The following SCTR variants were observed in gnomAD, a reference collection of about 807,000 sequenced individuals.
The protein encoded by SCTR is pancreatic secretin receptor.
In SCTR, 56 loss-of-function variants were observed where a neutral mutation model predicts 60.8. The observed-to-expected ratio is 0.92, with a 90% CI of 0.74 to 1.15. The LOEUF is 1.15. Among genes scored for constraint, SCTR ranks in the 50% most tolerant of loss-of-function variants. The pLI is 0.00. For synonymous variants in SCTR, 202 were observed against 217.0 expected (o/e 0.93, Z 0.61); for missense variants, 562 against 550.4 (o/e 1.02, Z -0.21).
At chr2:119,511,717 G>A (rs1678953776) in intron 1 of SCTR, among the ~76,000 whole-genome samples, 1 of 152,096 alleles carries the variant, frequency 6.6e-6, no homozygotes, top group Non-Finnish European at 1.5e-5. Flanking sequence ...TCATTTCCTA[G>A]GTATCATGGC....
chr2:119,519,851 G>GA (rs71297142), intron 1 of SCTR, among the ~76,000 whole-genome samples: 61,480 of 130,590 alleles, frequency 0.47, 14,492 homozygotes, highest in East Asian at 0.83. Context: ...GAAAAACAAA[G>GA]AAAAAAAAAA....
At chr2:119,520,508 G>A (rs986749248) in intron 1 of SCTR, among the ~76,000 whole-genome samples, 2 of 152,282 alleles carry the variant, frequency 1.3e-5, no homozygotes, top group Admixed American at 6.5e-5. Flanking sequence ...TGCAGGCAAC[G>A]CTTGCAGGCC....
intron 1 of SCTR, among the ~76,000 whole-genome samples, chr2:119,505,641 G>C (rs1678714428): frequency 6.6e-6 from 1 of 150,520 alleles, no homozygotes; most frequent in Non-Finnish European, 1.5e-5. Flanking sequence ...GCACTCATAG[G>C]TGGGAACTGA....
intron 1 of SCTR, among the ~76,000 whole-genome samples, chr2:119,501,335 G>A (rs1678544122): frequency 6.6e-6 from 1 of 151,968 alleles, no homozygotes; most frequent in Admixed American, 6.6e-5. Context: ...GGGTGAACCT[G>A]GTAGGTGGAG....
chr2:119,460,098 G>A (rs564727936), intron 7 of SCTR, among the ~76,000 whole-genome samples: 3 of 151,872 alleles, frequency 2.0e-5, no homozygotes, highest in East Asian at 3.9e-4. Flanking sequence ...GCAAGCAGGA[G>A]GGCTCAGCAA....
rs1677622207 is a variant in SCTR, at chr2:119,481,827, C to T, written c.194-2909G>A. On this transcript the variant is annotated intron_variant, in intron 2 of 12. Transcript: ENST00000019103. ...GAACCACTGCCTCCCACACCAGTCC[C>T]GCCAGGCATCCCTCATAAACGGGCT... 2.0e-5 allele frequency among the ~76,000 whole-genome samples: 3 copies of T among 152,216 alleles called. No homozygotes were observed. In the South Asian group the frequency reaches 6.2e-4, roughly 32 times the overall value.
chr2:119,470,467 T>C (rs1186716712), intron 4 of SCTR, among the ~76,000 whole-genome samples: 1 of 152,000 alleles, frequency 6.6e-6, no homozygotes, highest in African/African-American at 2.4e-5. Context: ...CTCAGAGCTG[T>C]TGTTTTGTTT....
At chr2:119,518,806 A>G (rs1679191608) in intron 1 of SCTR, among the ~76,000 whole-genome samples, 1 of 152,110 alleles carries the variant, frequency 6.6e-6, no homozygotes, top group African/African-American at 2.4e-5. Flanking sequence ...CAGATATTAA[A>G]TCTAGGCTTT....
At chr2:119,456,797 G>T (rs941072669) in intron 7 of SCTR, among the ~76,000 whole-genome samples, 12 of 152,216 alleles carry the variant, frequency 7.9e-5, no homozygotes, top group Non-Finnish European at 1.6e-4. Context: ...CAGCATGATT[G>T]GCATCCTTAT....
intron 1 of SCTR, among the ~76,000 whole-genome samples, chr2:119,509,395 A>T (rs1389727017): frequency 6.6e-6 from 1 of 152,214 alleles, no homozygotes; most frequent in Non-Finnish European, 1.5e-5. Context: ...GGCGGTATCA[A>T]TGTGTGTGAA....
intron 9 of SCTR, 90 bp from the exon 10 acceptor site, chr2:119,448,870 A>G (rs1683033597): frequency 2.8e-6 from 2 of 713,128 alleles, no homozygotes; most frequent in African/African-American, 1.8e-5. Context: ...GAGGGCAGAG[A>G]AGACATTGCA....
At chr2:119,514,207 C>T (rs2579612) in intron 1 of SCTR, among the ~76,000 whole-genome samples, 8,229 of 152,206 alleles carry the variant, frequency 0.054, 342 homozygotes, top group African/African-American at 0.1. Flanking sequence ...AACAACTGCC[C>T]CCTGGGAAGA....
intron 11 of SCTR, among the ~76,000 whole-genome samples, chr2:119,445,053 G>A (rs913455895): frequency 3.3e-5 from 5 of 150,930 alleles, no homozygotes; most frequent in Admixed American, 6.6e-5. Flanking sequence ...ACATTCGTAT[G>A]AGAACATCAG....
chr2:119,498,374 C>T (rs915530811), intron 1 of SCTR, among the ~76,000 whole-genome samples: 3 of 151,986 alleles, frequency 2.0e-5, no homozygotes, highest in Non-Finnish European at 4.4e-5. Context: ...GCTAAAAGAA[C>T]TTCTCTAAAT....
At chr2:119,500,439 C>G (rs1320058614) in intron 1 of SCTR, among the ~76,000 whole-genome samples, 1 of 152,186 alleles carries the variant, frequency 6.6e-6, no homozygotes, top group Non-Finnish European at 1.5e-5. Context: ...TATTGCAGCA[C>G]TATTCACAAT....
rs148638402 is a variant in SCTR at position 119,461,056 on chromosome 2, G to A, written c.790+791C>T. ...GGAACACCAGCTTAACTACAAAGCC[G>A]ATGTTACGAAAGGCAAAGTAGAGAC... On this transcript the variant is annotated intron_variant, in intron 7 of 12. Transcript: ENST00000019103. Among the ~76,000 whole-genome samples, 354 of 152,334 alleles carry A rather than the reference G, an allele frequency of 2.3e-3. 2 individuals are homozygous for A. The highest frequency in any genetic ancestry group is 7.6e-3 in the African/African-American group (317 of 41,584).
intron 7 of SCTR, among the ~76,000 whole-genome samples, chr2:119,460,888 A>G: frequency 6.6e-6 from 1 of 152,132 alleles, no homozygotes; most frequent in Admixed American, 6.6e-5. Context: ...GACTAGTTCA[A>G]GGGTGTCTAT....
At chr2:119,459,806 C>T (rs1466743981) in intron 7 of SCTR, among the ~76,000 whole-genome samples, 1 of 152,180 alleles carries the variant, frequency 6.6e-6, no homozygotes, top group Non-Finnish European at 1.5e-5. Context: ...ACAGGAAGTG[C>T]TCAAAGAATG....
At chr2:119,453,407 A>G (rs1476415669) in intron 7 of SCTR, 60 bp from the exon 8 acceptor site, 12 of 1,323,992 alleles carry the variant, frequency 9.1e-6, no homozygotes, top group Non-Finnish European at 1.3e-5. Flanking sequence ...CAACACACAT[A>G]TCAGAACAGG....
Sources: gnomAD v4.1 joint callset for allele counts (sites outside exome capture counted in the v4.1 genomes callset) on GRCh38, gnomAD v4.1.1 for gene constraint, MANE v1.5 for transcripts, NCBI Gene and HGNC (gene_info 2026-07-23, HGNC 2026-07-21) for gene names.